ATP8A2: variants seen among roughly 807,000 people sequenced by gnomAD.
The protein encoded by ATP8A2 is ATPase phospholipid transporting 8A2.
ATP8A2 carries 100 observed loss-of-function variants against 165.6 expected under a neutral mutation model. The ratio of observed to expected loss-of-function variants is 0.60; its 90% CI spans 0.51 to 0.71. The LOEUF is 0.71. Among genes scored for constraint, ATP8A2 ranks in the 30% least tolerant of loss-of-function variants. ATP8A2 has a pLI of 0.00. For synonymous variants in ATP8A2, 543 were observed against 548.8 expected, an observed-to-expected ratio of 0.99 and a Z score of 0.15; for missense variants, 1,227 against 1,479.5, an observed-to-expected ratio of 0.83 and a Z score of 2.80.
chr13:25,584,323 G>A (rs978764936), intron 23 of ATP8A2, among the ~76,000 whole-genome samples: 5 of 152,220 alleles, frequency 3.3e-5, no homozygotes, highest in Non-Finnish European at 5.9e-5. Flanking sequence ...TCTAGATACA[G>A]AGTGGGTTTC....
At chr13:25,510,174 AACACACACACACACACACAC>A (rs57755000) in intron 2 of ATP8A2, among the ~76,000 whole-genome samples, 2 of 128,494 alleles carry the variant, frequency 1.6e-5, no homozygotes, top group South Asian at 2.7e-4. Context: ...GTCTGTCTGT[AACACACACACACACACACAC>A]ACACACACAC....
chr13:25,449,222 C>G (rs1026390958), intron 1 of ATP8A2, among the ~76,000 whole-genome samples: 1 of 151,926 alleles, frequency 6.6e-6, no homozygotes, highest in Non-Finnish European at 1.5e-5. Context: ...TTATTTTAGA[C>G]CTTTCTATTT....
At chr13:25,555,124 G>A in intron 13 of ATP8A2, 56 bp downstream of exon 13, 1 of 1,279,076 alleles carries the variant, frequency 7.8e-7, no homozygotes, top group Admixed American at 1.7e-5. Context: ...GGGAAAATGA[G>A]TGTTAGCAGA....
chr13:25,498,111 C>T, intron 2 of ATP8A2, among the ~76,000 whole-genome samples: 1 of 152,080 alleles, frequency 6.6e-6, no homozygotes. Flanking sequence ...TTTTGGGCAC[C>T]CAATACGGGG....
chr13:25,690,865 TA>T (rs1206649127), intron 24 of ATP8A2, among the ~76,000 whole-genome samples: 7 of 149,654 alleles, frequency 4.7e-5, no homozygotes, highest in Admixed American at 1.3e-4. Context: ...AAGAGTAATA[TA>T]AACGTAAGTC....
intron 2 of ATP8A2, among the ~76,000 whole-genome samples, chr13:25,480,124 A>AC (rs1186492740): frequency 8.0e-6 from 1 of 124,274 alleles, no homozygotes; most frequent in African/African-American, 3.2e-5. Flanking sequence ...CGGGGGGCTG[A>AC]CCCCCCACCT....
intron 33 of ATP8A2, among the ~76,000 whole-genome samples, chr13:25,869,536 G>C (rs1952618694): frequency 6.6e-6 from 1 of 152,164 alleles, no homozygotes; most frequent in Non-Finnish European, 1.5e-5. Context: ...TCTATTGTCT[G>C]TAATATCCAT....
chr13:25,372,375 C>T lies in ATP8A2; in HGVS notation c.76+87C>T, dbSNP rs1032457184. On this transcript the variant is annotated intron_variant, in intron 1 of 36. Coordinates refer to ENST00000381655, the MANE Select transcript of ATP8A2 (RefSeq NM_016529.6). This position sits in a 1 kb window ranked among gnomAD's most constrained non-coding sequence, Gnocchi z 4.8. ...CCTGCGGTTATGCGACACTGCCCCG[C>T]CCGCGCCCCGCTCCCCTCCCTGGGC... 4.8e-5 allele frequency: 46 copies of T among 967,690 alleles called. No individual in the cohort carries two copies. The highest frequency in any genetic ancestry group is 6.3e-5 in the Non-Finnish European group (46 of 724,454). The allele number at this position is 967,690 out of a possible 1,614,324, so 59.9% of individuals were successfully genotyped here.
At position 25,972,120 on chromosome 13, in the gene ATP8A2, C is replaced by T. The variant is rs574366018; in HGVS notation, c.3377+3441C>T. Among the ~76,000 whole-genome samples, 3 of 152,270 alleles carry T rather than the reference C, an allele frequency of 2.0e-5. No individual in the cohort carries two copies. In the East Asian group the frequency reaches 5.8e-4, roughly 29 times the overall value. On this transcript the variant is annotated intron_variant, in intron 35 of 36. Transcript: ENST00000381655. ...TGTATGCATTAATCTTTTTAGAAAA[C>T]CCTCTTGTACCAAATTTACAATTAC... is the stretch of plus-strand genomic sequence containing the variant.
At chr13:25,623,637 A>G (rs1206407513) in intron 24 of ATP8A2, among the ~76,000 whole-genome samples, 1 of 152,188 alleles carries the variant, frequency 6.6e-6, no homozygotes, top group Non-Finnish European at 1.5e-5. Flanking sequence ...CCTTATGACC[A>G]ATATCTCTGC....
chr13:25,742,616 T>A (rs1347149528), intron 25 of ATP8A2, among the ~76,000 whole-genome samples: 1 of 151,890 alleles, frequency 6.6e-6, no homozygotes, highest in Non-Finnish European at 1.5e-5. Flanking sequence ...CTAAACATAT[T>A]TGACTTAATT....
At chr13:25,565,096 T>C (rs1036944647) in intron 16 of ATP8A2, among the ~76,000 whole-genome samples, 1 of 152,222 alleles carries the variant, frequency 6.6e-6, no homozygotes, top group Non-Finnish European at 1.5e-5. Flanking sequence ...TATGTATGTA[T>C]ATGTGTATAT....
chr13:25,638,304 T>G (rs2041424415), intron 24 of ATP8A2, among the ~76,000 whole-genome samples: 1 of 152,010 alleles, frequency 6.6e-6, no homozygotes. Flanking sequence ...CGATCAAACT[T>G]CTCCAAGCTG....
rs139073840 is a variant in ATP8A2, at chr13:25,697,610, A to T, written c.2212-1563A>T. Among the ~76,000 whole-genome samples, 35 of 152,362 alleles carry T rather than the reference A, an allele frequency of 2.3e-4. 1 individual carries two copies. Among genetic ancestry groups the T allele is most frequent in the African/African-American group, 8.4e-4 (35 of 41,592 alleles). On this transcript the variant is annotated intron_variant, in intron 24 of 36. Coordinates refer to ENST00000381655, the MANE Select transcript of ATP8A2 (RefSeq NM_016529.6). ...TAGGGGAAATTCTTGATGAATAAAT[A>T]GTAAGAGGAAGAAGAATGGGTTTTA...
At chr13:25,777,114 G>T (rs1254968882) in intron 27 of ATP8A2, among the ~76,000 whole-genome samples, 1 of 152,126 alleles carries the variant, frequency 6.6e-6, no homozygotes, top group East Asian at 1.9e-4. Context: ...AGCAGCAGTT[G>T]TTAAATGGTC....
chr13:25,734,620 A>G (rs1315809037), intron 25 of ATP8A2, among the ~76,000 whole-genome samples: 1 of 152,146 alleles, frequency 6.6e-6, no homozygotes, highest in Non-Finnish European at 1.5e-5. Context: ...GTGACAAAAA[A>G]TCATGACACA....
chr13:25,548,361 G>C (rs2038716984), intron 10 of ATP8A2, among the ~76,000 whole-genome samples: 1 of 152,172 alleles, frequency 6.6e-6, no homozygotes. Context: ...GAAGTTTTGG[G>C]ATTGTTCCTC....
At chr13:25,892,647 T>C (rs1307854807) in intron 33 of ATP8A2, among the ~76,000 whole-genome samples, 1 of 151,976 alleles carries the variant, frequency 6.6e-6, no homozygotes, top group Non-Finnish European at 1.5e-5. Context: ...CATGCAGGTG[T>C]ACTGGGACAC....
intron 24 of ATP8A2, among the ~76,000 whole-genome samples, chr13:25,691,678 C>T (rs1350606245): frequency 6.6e-6 from 1 of 152,146 alleles, no homozygotes; most frequent in East Asian, 1.9e-4. Flanking sequence ...ATAGGTAGTC[C>T]TTGAAATGTT....
Sources: allele counts gnomAD v4.1 joint callset (sites outside exome capture counted in the v4.1 genomes callset), GRCh38; gene constraint gnomAD v4.1.1; non-coding constraint Gnocchi (gnomAD v3.1); transcripts MANE v1.5; gene names NCBI Gene and HGNC (gene_info 2026-07-23, HGNC 2026-07-21).